XRRA1: variants seen among roughly 807,000 people sequenced by gnomAD.
XRRA1 encodes X-ray radiation resistance-associated protein 1.
XRRA1 carries 69 observed loss-of-function variants against 80.2 expected under a neutral mutation model. The ratio of observed to expected loss-of-function variants is 0.86; its 90% CI spans 0.71 to 1.05. The LOEUF (loss-of-function observed/expected upper bound fraction) is 1.05, where lower values mean the gene tolerates loss of function less well. Ranked by LOEUF, XRRA1 falls within the 50% of genes least tolerant of loss-of-function variation. The pLI, the probability that XRRA1 is intolerant of heterozygous loss-of-function variation, is 0.00. For missense variants in XRRA1, 967 were observed against 976.4 expected (o/e 0.99, Z 0.13); for synonymous variants, 348 against 389.9 (o/e 0.89, Z 1.27).
intron 17 of XRRA1, 89 bp downstream of exon 17, chr11:74,844,079 C>A: frequency 6.8e-7 from 1 of 1,467,526 alleles, no homozygotes; most frequent in Non-Finnish European, 9.5e-7. Flanking sequence ...GAAAGCATGG[C>A]CCTCAGAGGG....
At chr11:74,898,384 C>T (rs1402634794) in intron 10 of XRRA1, among the ~76,000 whole-genome samples, 1 of 151,892 alleles carries the variant, frequency 6.6e-6, no homozygotes, top group Non-Finnish European at 1.5e-5. Flanking sequence ...CAAGAAAATA[C>T]AACAAAATGG....
At chr11:74,924,913 A>G (rs896652658) in intron 7 of XRRA1, among the ~76,000 whole-genome samples, 2 of 152,216 alleles carry the variant, frequency 1.3e-5, no homozygotes, top group African/African-American at 4.8e-5. Context: ...CATATTGTCT[A>G]TGGCTGTTTT....
intron 10 of XRRA1, among the ~76,000 whole-genome samples, chr11:74,866,389 G>A (rs763829199): frequency 6.6e-6 from 1 of 151,998 alleles, no homozygotes; most frequent in African/African-American, 2.4e-5. Flanking sequence ...ATGTAGCTGG[G>A]ACCACAGGCA....
Position 74,927,493 on chromosome 11 carries a change from A to G in XRRA1, c.425-5T>C, listed in dbSNP as rs770436321. The G allele has an allele frequency of 3.8e-6, 6 of 1,592,956 alleles. No homozygotes were observed. Among genetic ancestry groups the G allele is most frequent in the Non-Finnish European group, 4.3e-6 (5 of 1,160,902 alleles). On this transcript the variant is annotated splice_region_variant and splice_polypyrimidine_tract_variant and intron_variant, in intron 6 of 18. Coordinates refer to ENST00000684022, the MANE Select transcript of XRRA1 (RefSeq NM_001378157.1). ...CTGGAAACGTGTGAAATGCCTCTAC[A>G]TGGGGAAGAGAAAGAGAGAGTCTGC...
At chr11:74,935,991 ACAGG>A (rs1944889252) in intron 4 of XRRA1, among the ~76,000 whole-genome samples, 2 of 152,156 alleles carry the variant, frequency 1.3e-5, no homozygotes, top group African/African-American at 4.8e-5. Flanking sequence ...AACTGATTCC[ACAGG>A]ACTGCAAAAA....
At chr11:74,919,417 C>T (rs1055907324) in intron 8 of XRRA1, 6 of 192,630 alleles carry the variant, frequency 3.1e-5, no homozygotes, top group Non-Finnish European at 5.3e-5. Context: ...CTTTCCATAA[C>T]AAAATACCAA....
At chr11:74,877,287 T>C (rs1165728292) in intron 10 of XRRA1, among the ~76,000 whole-genome samples, 1 of 152,068 alleles carries the variant, frequency 6.6e-6, no homozygotes, top group Non-Finnish European at 1.5e-5. Context: ...CAAGGGGGAA[T>C]ATATGTTTTT....
At position 74,843,195 on chromosome 11, in the gene XRRA1, C is replaced by G. The variant is rs1039809600; in HGVS notation, c.*5G>C. On this transcript the variant is annotated 3_prime_UTR_variant, in exon 19 of 19. Transcript: ENST00000684022. ...GGGTGGTGCACACAGCCCCCATGCA[C>G]AGCTCTAGCCTTGTGAGTCACTGGC... is the stretch of plus-strand genomic sequence containing the variant. 4 of 1,552,288 alleles carry G rather than the reference C, an allele frequency of 2.6e-6. No homozygotes were observed. The highest frequency in any genetic ancestry group is 1.2e-5 in the South Asian group (1 of 84,016).
chr11:74,906,636 ATATT>A (rs1180633559), intron 9 of XRRA1, among the ~76,000 whole-genome samples, 180 bp from the exon 10 acceptor site: 1 of 152,152 alleles, frequency 6.6e-6, no homozygotes, highest in Non-Finnish European at 1.5e-5. Flanking sequence ...AATGGGGATA[ATATT>A]TATTAACCTT....
intron 5 of XRRA1, among the ~76,000 whole-genome samples, chr11:74,931,131 C>CAT (rs1555096617): frequency 6.7e-6 from 1 of 149,414 alleles, no homozygotes; most frequent in African/African-American, 2.5e-5. Context: ...TATGCTTATA[C>CAT]GTGTGTGTGT....
chr11:74,900,763 T>A (rs964141082), intron 10 of XRRA1, among the ~76,000 whole-genome samples: 1 of 152,180 alleles, frequency 6.6e-6, no homozygotes, highest in South Asian at 2.1e-4. Flanking sequence ...CATCCCTTCA[T>A]AATAAAAACC....
intron 10 of XRRA1, among the ~76,000 whole-genome samples, chr11:74,894,743 C>A (rs2137524880): frequency 6.6e-6 from 1 of 152,180 alleles, no homozygotes; most frequent in East Asian, 1.9e-4. Flanking sequence ...GAGACACAGC[C>A]AAACCATATC....
At position 74,921,237 on chromosome 11, in the gene XRRA1, C is replaced by A. The variant is rs571679401; in HGVS notation, c.633G>T (p.Pro211=). ...LLTGNGLTSL[P]PNLAVAEQEA... is the part of the protein sequence containing the mutation. ...ACTGTTCTGCGACGGCCAAATTGGG[C>A]GGCAGGGAGGTAAGGCCATTGCCTG... The change falls in exon 8 of 19, where the codon CCG becomes CCT. Residue 211 remains proline, a synonymous_variant. Coordinates refer to ENST00000684022, the MANE Select transcript of XRRA1 (RefSeq NM_001378157.1). 1.2e-6 allele frequency: 2 copies of A among 1,613,732 alleles called. No individual in the cohort carries two copies. The highest frequency in any genetic ancestry group is 1.7e-5 in the Admixed American group (1 of 60,006).
At chr11:74,925,519 C>CAAATTCAGGATATTTGACAGGTTTATA (rs1374665903) in intron 7 of XRRA1, among the ~76,000 whole-genome samples, 2 of 152,024 alleles carry the variant, frequency 1.3e-5, no homozygotes, top group African/African-American at 4.8e-5. Flanking sequence ...CTTAGGGAGC[C>CAAATTCAGGATATTTGACAGGTTTATA]CTTGCAAATC....
rs375402806 is a variant in XRRA1, at chr11:74,843,401, G to A, written c.2202C>T (p.Tyr734=). The A allele has an allele frequency of 1.5e-5, 24 of 1,612,338 alleles. No individual in the cohort carries two copies. In the African/African-American group the frequency reaches 2.1e-4, roughly 14 times the overall value. The change falls in exon 19 of 19, where the codon TAC becomes TAT. Residue 734 remains tyrosine, a synonymous_variant. Transcript: ENST00000684022. ...TERRLVNHKQ[Y]LEAKRLLKEF... is the part of the protein sequence containing the mutation. ...CCTTCAACAGCCTCTTGGCCTCCAGGTACTGCTTGTGGTTCACCAGCCGCC... is the reference window on the plus strand; with the variant it reads ...CCTTCAACAGCCTCTTGGCCTCCAGATACTGCTTGTGGTTCACCAGCCGCC...
chr11:74,923,473 C>G (rs1255803210), intron 7 of XRRA1, among the ~76,000 whole-genome samples: 1 of 152,152 alleles, frequency 6.6e-6, no homozygotes, highest in African/African-American at 2.4e-5. Context: ...GGGGAACATT[C>G]TCCCCTCATA....
At chr11:74,924,064 A>G (rs1591457913) in intron 7 of XRRA1, among the ~76,000 whole-genome samples, 1 of 150,376 alleles carries the variant, frequency 6.6e-6, no homozygotes, top group Non-Finnish European at 1.5e-5. Context: ...CTGGTCTTGA[A>G]CCTCTGGGCT....
chr11:74,845,386 A>G (rs2037814807), intron 15 of XRRA1, 115 bp from the exon 16 acceptor site: 3 of 999,368 alleles, frequency 3.0e-6, no homozygotes, highest in African/African-American at 1.6e-5. Context: ...GGGCAAGGGT[A>G]AGACCAAGAC....
intron 10 of XRRA1, among the ~76,000 whole-genome samples, chr11:74,894,505 C>T (rs1483710840): frequency 6.6e-6 from 1 of 152,112 alleles, no homozygotes; most frequent in Non-Finnish European, 1.5e-5. Flanking sequence ...CCTCAGGAAA[C>T]TTACAATCAT....
Sources: gnomAD v4.1 joint callset for allele counts (sites outside exome capture counted in the v4.1 genomes callset) on GRCh38, gnomAD v4.1.1 for gene constraint, MANE v1.5 for transcripts, NCBI Gene and HGNC (gene_info 2026-07-23, HGNC 2026-07-21) for gene names.